EMCN: variants seen among roughly 807,000 people sequenced by gnomAD.
EMCN encodes the protein endomucin.
EMCN carries 37 observed loss-of-function variants against 38.4 expected under a neutral mutation model. The observed-to-expected ratio is 0.96, with a 90% CI of 0.74 to 1.27. EMCN has a LOEUF of 1.27. EMCN is among the 50% of genes most tolerant of loss of function. EMCN has a pLI of 0.00. For missense variants in EMCN, 318 were observed against 302.8 expected, an observed-to-expected ratio of 1.05 and a Z score of -0.37; for synonymous variants, 95 against 100.8, an observed-to-expected ratio of 0.94 and a Z score of 0.35.
chr4:100,465,954 G>GTT (rs1728304523), intron 3 of EMCN, among the ~76,000 whole-genome samples: 1 of 152,140 alleles, frequency 6.6e-6, no homozygotes, highest in Non-Finnish European at 1.5e-5. Flanking sequence ...GAAAGGTAAG[G>GTT]ATGTGGTAGT....
chr4:100,440,751 A>T (rs967302691), intron 5 of EMCN, among the ~76,000 whole-genome samples: 1 of 152,066 alleles, frequency 6.6e-6, no homozygotes, highest in Admixed American at 6.6e-5. Flanking sequence ...TGTATTTTTA[A>T]TATGACGACT....
chr4:100,397,215 A>G lies in EMCN; in HGVS notation c.*1198T>C, dbSNP rs1460291409. 6.6e-6 allele frequency: 1 copy of G among 152,180 alleles called. No individual in the cohort carries two copies. The highest frequency in any genetic ancestry group is 2.4e-5 in the African/African-American group (1 of 41,452). The allele number at this position is 152,180 out of a possible 1,614,324, so 9.4% of individuals were successfully genotyped here. ...AGCATCAAAATCAGCTTAGATAATC[A>G]TACGTTACAAAGCTGCCACCAGCAG... On this transcript the variant is annotated 3_prime_UTR_variant, in exon 12 of 12. Coordinates refer to ENST00000296420, the MANE Select transcript of EMCN (RefSeq NM_016242.4).
chr4:100,488,256 A>T (rs1033715683), intron 1 of EMCN, among the ~76,000 whole-genome samples: 8 of 152,240 alleles, frequency 5.3e-5, no homozygotes, highest in Non-Finnish European at 1.0e-4. Context: ...GCATTTATAC[A>T]TATCAAGGGG....
At chr4:100,411,853 G>A (rs1726569701) in intron 10 of EMCN, among the ~76,000 whole-genome samples, 1 of 152,142 alleles carries the variant, frequency 6.6e-6, no homozygotes, top group South Asian at 2.1e-4. Flanking sequence ...TGGTGGAAAT[G>A]CAGAGAATGA....
chr4:100,431,107 C>T (rs1423724527), intron 5 of EMCN, among the ~76,000 whole-genome samples: 1 of 152,078 alleles, frequency 6.6e-6, no homozygotes, highest in Non-Finnish European at 1.5e-5. Flanking sequence ...GATGGAGCAT[C>T]CTCTTTTCCA....
At chr4:100,412,364 G>T (rs1033284908) in intron 10 of EMCN, among the ~76,000 whole-genome samples, 3 of 152,108 alleles carry the variant, frequency 2.0e-5, no homozygotes, top group Admixed American at 1.3e-4. Context: ...AATGAATTCA[G>T]ATCTGATTTT....
intron 10 of EMCN, among the ~76,000 whole-genome samples, chr4:100,412,731 T>C (rs1289333215): frequency 6.6e-6 from 1 of 152,212 alleles, no homozygotes; most frequent in Non-Finnish European, 1.5e-5. Context: ...TGTTATACCC[T>C]AGTAAGCTTT....
In EMCN at chr4:100,423,304, TATC is replaced by T. The variant is rs1726944633; in HGVS notation, c.508+5_508+7del. On this transcript the variant is annotated splice_donor_5th_base_variant and intron_variant, in intron 6 of 11. Coordinates refer to ENST00000296420, the MANE Select transcript of EMCN (RefSeq NM_016242.4). The stretch of plus-strand genomic sequence containing the variant: ...GCAGATTTCCACTCAGGCACACAGA[TATC>T]ATACCTTGAGACTGTGAGGTGTTTT... 6.3e-7 allele frequency: 1 copy of T among 1,599,764 alleles called. No homozygotes were observed.
At chr4:100,472,659 T>C (rs1373291729) in intron 3 of EMCN, among the ~76,000 whole-genome samples, 1 of 152,028 alleles carries the variant, frequency 6.6e-6, no homozygotes, top group Non-Finnish European at 1.5e-5. Flanking sequence ...GTGATAAAGT[T>C]GAATAGCCAA....
chr4:100,513,725 G>A (rs546361410), intron 1 of EMCN, among the ~76,000 whole-genome samples: 29 of 152,118 alleles, frequency 1.9e-4, no homozygotes, highest in Admixed American at 3.3e-4. Context: ...ATTCATACTT[G>A]TCCATAACTT....
At chr4:100,517,702 G>T in intron 1 of EMCN, 149 bp downstream of exon 1, 1 of 738,350 alleles carries the variant, frequency 1.4e-6, no homozygotes, top group East Asian at 2.5e-5. Flanking sequence ...CCTTCTCCAC[G>T]CACTCCAAGT....
intron 1 of EMCN, among the ~76,000 whole-genome samples, chr4:100,515,480 C>T (rs1023432463): frequency 1.3e-5 from 2 of 151,996 alleles, no homozygotes; most frequent in Non-Finnish European, 2.9e-5. Context: ...GAAAGATTCC[C>T]TTGATTTTCA....
At chr4:100,441,568 G>A (rs1727518941) in intron 5 of EMCN, among the ~76,000 whole-genome samples, 1 of 152,034 alleles carries the variant, frequency 6.6e-6, no homozygotes, top group South Asian at 2.1e-4. Flanking sequence ...ATTATTGGTA[G>A]CTTCGTTTCT....
intron 10 of EMCN, among the ~76,000 whole-genome samples, chr4:100,410,597 A>C (rs1726525609): frequency 6.6e-6 from 1 of 151,718 alleles, no homozygotes; most frequent in Non-Finnish European, 1.5e-5. Context: ...GGGATAGGTC[A>C]GGGGGCAGTG....
intron 5 of EMCN, among the ~76,000 whole-genome samples, chr4:100,441,493 T>G (rs902939910): frequency 2.6e-5 from 4 of 152,210 alleles, no homozygotes; most frequent in Non-Finnish European, 5.9e-5. Context: ...AATTAATTTA[T>G]TTGTATCCAA....
rs550653707 is a variant in EMCN, at chr4:100,449,519, A to G, written c.377-1948T>C. 1.5e-4 allele frequency among the ~76,000 whole-genome samples: 23 copies of G among 152,240 alleles called. No homozygotes were observed. The South Asian group carries it at 4.6e-3, about 30-fold the overall frequency. ...ATAACTAATTAAAACACTTTTGAAC[A>G]TGGCATTATGCTGCATTTGAAAGAT... On this transcript the variant is annotated intron_variant, in intron 4 of 11. Coordinates refer to ENST00000296420, the MANE Select transcript of EMCN (RefSeq NM_016242.4).
intron 5 of EMCN, among the ~76,000 whole-genome samples, chr4:100,425,846 A>T (rs544154482): frequency 6.6e-6 from 1 of 152,110 alleles, no homozygotes; most frequent in Non-Finnish European, 1.5e-5. Flanking sequence ...AAGTAGAGGA[A>T]CTGGAGAAAC....
chr4:100,420,884 T>A (rs1726869008), intron 8 of EMCN, among the ~76,000 whole-genome samples: 1 of 152,002 alleles, frequency 6.6e-6, no homozygotes, highest in Admixed American at 6.6e-5. Context: ...TCACGGGACA[T>A]TTTTTGAGAT....
At chr4:100,472,498 C>A (rs1350949461) in intron 3 of EMCN, among the ~76,000 whole-genome samples, 1 of 152,068 alleles carries the variant, frequency 6.6e-6, no homozygotes, top group African/African-American at 2.4e-5. Flanking sequence ...ATCCTATGCT[C>A]ATGAATTGAA....
Sources: gnomAD v4.1 joint callset for allele counts (sites outside exome capture counted in the v4.1 genomes callset) on GRCh38, gnomAD v4.1.1 for gene constraint, MANE v1.5 for transcripts, NCBI Gene and HGNC (gene_info 2026-07-23, HGNC 2026-07-21) for gene names.